PRMT3: variants seen among roughly 807,000 people sequenced by gnomAD.
PRMT3 encodes protein arginine N-methyltransferase 3.
PRMT3 carries 62 observed loss-of-function variants against 71.9 expected under a neutral mutation model. That is an observed-to-expected ratio of 0.86 (90% CI 0.70 to 1.07). The LOEUF (loss-of-function observed/expected upper bound fraction) is 1.07. PRMT3 is among the 50% of genes least tolerant of loss of function. The probability of loss-of-function intolerance (pLI) is 0.00; values close to 1 mark genes in which losing one functional copy is unlikely to be tolerated. For missense variants in PRMT3, 663 were observed against 643.0 expected (o/e 1.03, Z -0.34); for synonymous variants, 213 against 220.4 (o/e 0.97, Z 0.30).
intron 8 of PRMT3, 104 bp downstream of exon 8, chr11:20,403,088 G>C: frequency 1.2e-6 from 1 of 850,184 alleles, no homozygotes. Flanking sequence ...AACATCTTCT[G>C]TCTGTATTTC....
At chr11:20,409,151 A>T (rs1414632575) in intron 9 of PRMT3, among the ~76,000 whole-genome samples, 1 of 152,180 alleles carries the variant, frequency 6.6e-6, no homozygotes, top group African/African-American at 2.4e-5. Context: ...TAGTTTAAAA[A>T]TTTAAATATG....
At position 20,438,622 on chromosome 11, in the gene PRMT3, G is replaced by A. The variant is rs149422831; in HGVS notation, c.993+11757G>A. 4.9e-3 allele frequency among the ~76,000 whole-genome samples: 744 copies of A among 152,238 alleles called. 6 individuals are homozygous for A. The highest frequency in any genetic ancestry group is 0.01 in the Middle Eastern group (3 of 294). ...CATCAGCTCAGCCCTGGGATGCACA[G>A]ATGCTTAGCTTAGCCAGGTCACTGA... On this transcript the variant is annotated intron_variant, in intron 10 of 15. Coordinates refer to ENST00000331079, the MANE Select transcript of PRMT3 (RefSeq NM_005788.4).
chr11:20,480,970 T>G (rs1305237275), intron 13 of PRMT3, among the ~76,000 whole-genome samples: 2 of 152,182 alleles, frequency 1.3e-5, no homozygotes, highest in African/African-American at 4.8e-5. Context: ...AACACAGTTC[T>G]GTGGCCTGTC....
intron 9 of PRMT3, among the ~76,000 whole-genome samples, chr11:20,415,958 C>G (rs1470153780): frequency 6.6e-6 from 1 of 152,116 alleles, no homozygotes; most frequent in East Asian, 1.9e-4. Context: ...GAGTTGTAAA[C>G]CTGGGATTCA....
chr11:20,399,842 A>G (rs1021940900), intron 7 of PRMT3, among the ~76,000 whole-genome samples: 1 of 152,204 alleles, frequency 6.6e-6, no homozygotes, highest in Non-Finnish European at 1.5e-5. Context: ...ATATAGATTT[A>G]AGAAGTTCCA....
rs1390060522 is a variant in PRMT3, at chr11:20,498,983, C to CAA, written c.1486+4731_1486+4732dup. 2.0e-5 allele frequency among the ~76,000 whole-genome samples: 3 copies of CAA among 152,220 alleles called. No homozygotes were observed. The East Asian group carries it at 5.8e-4, about 29-fold the overall frequency. On this transcript the variant is annotated intron_variant, in intron 15 of 15. Coordinates refer to ENST00000331079, the MANE Select transcript of PRMT3 (RefSeq NM_005788.4). ...CACCAAATGGAAACTTGGATCTTAA[C>CAA]AAAGCAGTGGAAAATGCCAGAAATG...
chr11:20,415,906 G>A (rs1050508716), intron 9 of PRMT3, among the ~76,000 whole-genome samples: 7 of 152,138 alleles, frequency 4.6e-5, no homozygotes, highest in African/African-American at 1.7e-4. Context: ...AGCAAGAACT[G>A]AGTAAAACAA....
chr11:20,465,919 A>G (rs1471568231), intron 13 of PRMT3, among the ~76,000 whole-genome samples: 5 of 152,152 alleles, frequency 3.3e-5, no homozygotes, highest in Non-Finnish European at 4.4e-5. Flanking sequence ...TTGAAAAAAG[A>G]CCATCTTGAT....
intron 10 of PRMT3, among the ~76,000 whole-genome samples, chr11:20,428,662 C>T (rs981676232): frequency 6.6e-6 from 1 of 152,148 alleles, no homozygotes; most frequent in Admixed American, 6.5e-5. Flanking sequence ...ATTTTGTACC[C>T]TTCTGCTTTC....
intron 8 of PRMT3, among the ~76,000 whole-genome samples, chr11:20,404,294 C>T (rs529303113): frequency 2.3e-5 from 3 of 131,724 alleles, no homozygotes; most frequent in African/African-American, 8.9e-5. Flanking sequence ...AGTGCACTGG[C>T]GCGATCTCCG....
At chr11:20,420,825 T>A (rs1457347463) in intron 9 of PRMT3, among the ~76,000 whole-genome samples, 1 of 152,176 alleles carries the variant, frequency 6.6e-6, no homozygotes, top group Non-Finnish European at 1.5e-5. Context: ...ATACCTTTCA[T>A]CACCTCTTCT....
intron 6 of PRMT3, among the ~76,000 whole-genome samples, chr11:20,396,739 T>C (rs1848835009): frequency 6.6e-6 from 1 of 152,150 alleles, no homozygotes; most frequent in Non-Finnish European, 1.5e-5. Flanking sequence ...AAATTAGCAT[T>C]CTACTGGTGT....
chr11:20,483,554 C>T (rs1191510479), intron 13 of PRMT3, among the ~76,000 whole-genome samples: 1 of 135,792 alleles, frequency 7.4e-6, no homozygotes. Context: ...CAGAGATTGC[C>T]AAAAAAAAAA....
chr11:20,497,098 A>G, intron 15 of PRMT3, among the ~76,000 whole-genome samples: 1 of 152,188 alleles, frequency 6.6e-6, no homozygotes, highest in East Asian at 1.9e-4. Context: ...AGAATTTTAA[A>G]GGCAGTACTA....
At chr11:20,448,456 T>C (rs1277193401) in intron 10 of PRMT3, among the ~76,000 whole-genome samples, 5 of 152,160 alleles carry the variant, frequency 3.3e-5, no homozygotes, top group Non-Finnish European at 5.9e-5. Flanking sequence ...GATTATATTA[T>C]ATAGGCTTGT....
chr11:20,433,542 T>C (rs1402565260), intron 10 of PRMT3, among the ~76,000 whole-genome samples: 3 of 152,174 alleles, frequency 2.0e-5, no homozygotes, highest in Non-Finnish European at 4.4e-5. Flanking sequence ...ATCTTGCTCT[T>C]TATGGTAGAA....
At chr11:20,413,270 A>G (rs903999589) in intron 9 of PRMT3, among the ~76,000 whole-genome samples, 2 of 152,150 alleles carry the variant, frequency 1.3e-5, no homozygotes, top group Non-Finnish European at 2.9e-5. Flanking sequence ...CTGTGAATGT[A>G]CTTCTAAAAG....
At chr11:20,482,410 G>A (rs917835092) in intron 13 of PRMT3, among the ~76,000 whole-genome samples, 2 of 151,986 alleles carry the variant, frequency 1.3e-5, no homozygotes, top group Non-Finnish European at 2.9e-5. Flanking sequence ...CAATGTTGAA[G>A]GACAATAAAT....
chr11:20,410,336 T>C (rs1288769974), intron 9 of PRMT3, among the ~76,000 whole-genome samples: 1 of 152,096 alleles, frequency 6.6e-6, no homozygotes, highest in Non-Finnish European at 1.5e-5. Flanking sequence ...CAGTCCTTTT[T>C]TCATTGCGGT....
Sources: gnomAD v4.1 joint callset for allele counts (sites outside exome capture counted in the v4.1 genomes callset) on GRCh38, gnomAD v4.1.1 for gene constraint, MANE v1.5 for transcripts, NCBI Gene and HGNC (gene_info 2026-07-23, HGNC 2026-07-21) for gene names.